C9orf50: variants seen among roughly 807,000 people sequenced by gnomAD.
The protein encoded by C9orf50 is chromosome 9 open reading frame 50, also known as uncharacterized protein C9orf50.
A neutral mutation model predicts 42.5 loss-of-function variants in C9orf50; 33 were observed. The observed-to-expected ratio is 0.78, with a 90% CI of 0.59 to 1.04. The LOEUF is 1.04. Ranked by LOEUF, C9orf50 falls within the 50% of genes least tolerant of loss-of-function variation. C9orf50 has a pLI of 0.00. For missense variants in C9orf50, 547 were observed against 594.3 expected (o/e 0.92, Z 0.83); for synonymous variants, 257 against 273.4 (o/e 0.94, Z 0.59).
At chr9:129,619,196 C>T (rs955892793) in intron 3 of C9orf50, among the ~76,000 whole-genome samples, 1 of 151,988 alleles carries the variant, frequency 6.6e-6, no homozygotes, top group Non-Finnish European at 1.5e-5. Context: ...GATTCATGAA[C>T]GGGTTGTAGA....
At position 129,620,134 on chromosome 9, in the gene C9orf50, G is replaced by A. The variant is rs1042805379; in HGVS notation, c.441C>T (p.Leu147=). 7 of 1,458,802 alleles carry A rather than the reference G, an allele frequency of 4.8e-6. No homozygotes were observed. Among genetic ancestry groups the A allele is most frequent in the East Asian group, 2.5e-5 (1 of 39,990 alleles). 90.4% of individuals were successfully genotyped at this position (1,458,802 alleles called of 1,614,324 possible). Reference sequence around the variant, plus strand: ...GCAGGAACTCACGGAACCTGCTGGGGAGGAGCTCTCCTAGGAAGGCGCCCA... The same window carrying A: ...GCAGGAACTCACGGAACCTGCTGGGAAGGAGCTCTCCTAGGAAGGCGCCCA... Residue 147 remains leucine (L), a synonymous_variant, in exon 1 of 7, where the codon CTC becomes CTT. Transcript: ENST00000372478. The surrounding 1 kb of genome is among the most constrained non-coding windows in gnomAD (Gnocchi z 5.8).
upstream of C9orf50, among the ~76,000 whole-genome samples, chr9:129,621,788 T>C (rs112619032): frequency 2.0e-5 from 3 of 152,260 alleles, no homozygotes; most frequent in African/African-American, 7.2e-5. Context: ...TCCCAGATTG[T>C]TGTCAGCTCT....
At chr9:129,612,847 AGAGGG>A (rs771773282) in intron 6 of C9orf50, among the ~76,000 whole-genome samples, 42 of 151,988 alleles carry the variant, frequency 2.8e-4, no homozygotes, top group Non-Finnish European at 1.0e-4. Context: ...CAAAGAGAGG[AGAGGG>A]GAGGGGAGGG....
At position 129,613,149 on chromosome 9, in the gene C9orf50, G is replaced by A; in HGVS notation, c.1146C>T (p.Ser382=). 1.2e-6 allele frequency: 2 copies of A among 1,613,904 alleles called. No homozygotes were observed. ...GCGGGTCCAAGAAGGCTCGGAGGCT[G>A]CTTCGCGGCCTCTGAGCAGCGGCCT... The change falls in exon 6 of 7, where the codon AGC becomes AGT. Residue 382 remains serine (S), a synonymous_variant. Transcript: ENST00000372478. The surrounding 1 kb of genome is among the most constrained non-coding windows in gnomAD (Gnocchi z 6.2).
upstream of C9orf50, among the ~76,000 whole-genome samples, chr9:129,621,420 C>T (rs1830705503): frequency 1.3e-5 from 2 of 152,180 alleles, no homozygotes; most frequent in Admixed American, 6.5e-5. Context: ...GCAATGGCAC[C>T]ATCATAGCTC....
Position 129,619,642 on chromosome 9 carries a change from A to C in C9orf50, c.600-6T>G. ...GGAGGTGCGATGACTGGCCCCTTAA[A>C]GACAAACAGGCCACATCTGGCATGA... On this transcript the variant is annotated splice_polypyrimidine_tract_variant and splice_region_variant and intron_variant, in intron 2 of 6. Transcript: ENST00000372478. 1 of 1,613,928 alleles carries C rather than the reference A, an allele frequency of 6.2e-7. No individual in the cohort carries two copies. The highest frequency in any genetic ancestry group is 8.5e-7 in the Non-Finnish European group (1 of 1,179,864).
chr9:129,612,240 TA>T, exon 7 of C9orf50: 1 of 883,174 alleles, frequency 1.1e-6, no homozygotes, highest in Non-Finnish European at 1.8e-6. Flanking sequence ...GTGTGACACC[TA>T]CTGGCAGGTC....
chr9:129,615,760 A>G, intron 3 of C9orf50, 113 bp from the exon 4 acceptor site: 1 of 1,170,668 alleles, frequency 8.5e-7, no homozygotes, highest in Non-Finnish European at 1.1e-6. Flanking sequence ...ACTGGTCTTG[A>G]AGAATGGATA....
rs890125721 is a variant in C9orf50 at position 129,620,450 on chromosome 9, G to C, written c.125C>G (p.Ala42Gly). The change falls in exon 1 of 7, where the codon GCG becomes GGG. Residue 42 changes from alanine to glycine, a missense_variant. Physicochemically the swap from Ala to Gly is moderately conservative, Grantham distance 60. Around this residue, in one of 3 missense-constraint regions of C9orf50, gnomAD observed 105 missense variants for 98.5 expected, o/e 1.07. Coordinates refer to ENST00000372478, the Ensembl canonical transcript of C9orf50. This position sits in a 1 kb window ranked among gnomAD's most constrained non-coding sequence, Gnocchi z 5.8. ...CCCGGAGCCCCGCGCGCCCAGAGCC[G>C]CTCGGAGCGCGGGCGGGGTCAGCTT... The C allele has an allele frequency of 1.5e-6, 2 of 1,315,662 alleles. No homozygotes were observed. Among genetic ancestry groups the C allele is most frequent in the South Asian group, 2.0e-5 (1 of 50,054 alleles). 81.5% of individuals were successfully genotyped at this position (1,315,662 alleles called of 1,614,324 possible). A position where few individuals can be genotyped will look rare whatever the true frequency, so the allele number is the denominator to read the frequency against.
At chr9:129,620,991 A>G (rs1830680769), upstream of C9orf50, among the ~76,000 whole-genome samples, 1 of 152,236 alleles carries the variant, frequency 6.6e-6, no homozygotes, top group African/African-American at 2.4e-5. The surrounding 1 kb of genome is among the most constrained non-coding windows in gnomAD (Gnocchi z 5.8). Flanking sequence ...GGCCAAGCCA[A>G]TTAACTTCCC....
At chr9:129,621,621 G>A (rs1314480447), upstream of C9orf50, among the ~76,000 whole-genome samples, 4 of 152,170 alleles carry the variant, frequency 2.6e-5, no homozygotes, top group African/African-American at 7.2e-5. Context: ...ACTTGCCTTG[G>A]CCTCCCAAAG....
Position 129,613,120 on chromosome 9 carries a change from C to G in C9orf50, c.1175G>C (p.Arg392Thr), listed in dbSNP as rs141155401. 12 of 1,613,802 alleles carry G rather than the reference C, an allele frequency of 7.4e-6. No homozygotes were observed. In the African/African-American group the frequency reaches 1.3e-4, roughly 18 times the overall value. Residue 392 changes from arginine (R) to threonine (T), a missense_variant, in exon 6 of 7, where the codon AGA becomes ACA. Physicochemically the swap from Arg to Thr is moderately conservative, Grantham distance 71. Transcript: ENST00000372478. This position sits in a 1 kb window ranked among gnomAD's most constrained non-coding sequence, Gnocchi z 6.2. ...CCATTTGCCCACCTGCTCCAGGTTT[C>G]TGTGCGGGTCCAAGAAGGCTCGGAG... is the stretch of plus-strand genomic sequence containing the variant.
chr9:129,620,393 C>T lies in C9orf50; in HGVS notation c.182G>A (p.Trp61Ter). The T allele has an allele frequency of 8.1e-7, 1 of 1,229,916 alleles. No individual in the cohort carries two copies. Among genetic ancestry groups the T allele is most frequent in the Non-Finnish European group, 1.0e-6 (1 of 987,330 alleles). The allele number at this position is 1,229,916 out of a possible 1,614,324, so 76.2% of individuals were successfully genotyped here. The change falls in exon 1 of 7, where the codon TGG becomes TAG. Residue 61 changes from tryptophan (W) to a stop codon, truncating the protein, a stop_gained. Transcript: ENST00000372478. LOFTEE classifies it high-confidence loss of function. The surrounding 1 kb of genome is among the most constrained non-coding windows in gnomAD (Gnocchi z 5.8). ...GGGCTTGGCGTCCCCTTCCGGCCAC[C>T]ACGCGGCGCCGCCCCCCGGGATCCT...
At position 129,620,433 on chromosome 9, in the gene C9orf50, C is replaced by T; in HGVS notation, c.142G>A (p.Gly48Ser). Residue 48 changes from glycine to serine, a missense_variant, in exon 1 of 7, where the codon GGC becomes AGC. This residue lies in a region of C9orf50 where 105 missense variants were observed against 98.5 expected (regional missense o/e 1.07). Coordinates refer to ENST00000372478, the Ensembl canonical transcript of C9orf50. This position sits in a 1 kb window ranked among gnomAD's most constrained non-coding sequence, Gnocchi z 5.8. ...CCCGGGATCCTCCAGTCCCCGGAGC[C>T]CCGCGCGCCCAGAGCCGCTCGGAGC... is the stretch of plus-strand genomic sequence containing the variant. The T allele has an allele frequency of 1.6e-6, 2 of 1,267,598 alleles. No individual in the cohort carries two copies. Among genetic ancestry groups the T allele is most frequent in the Non-Finnish European group, 2.0e-6 (2 of 1,006,534 alleles). The allele number at this position is 1,267,598 out of a possible 1,614,324, so 78.5% of individuals were successfully genotyped here.
In C9orf50 at chr9:129,619,636, C is replaced by T. The variant is rs376323014; in HGVS notation, c.600G>A (p.Trp200Ter). 2.5e-6 allele frequency: 4 copies of T among 1,613,836 alleles called. No homozygotes were observed. The highest frequency in any genetic ancestry group is 3.4e-6 in the Non-Finnish European group (4 of 1,179,956). The change falls in exon 3 of 7, where the codon TGG becomes TGA. Residue 200 changes from tryptophan to a stop codon, truncating the protein, a stop_gained and splice_region_variant. Coordinates refer to ENST00000372478, the Ensembl canonical transcript of C9orf50. LOFTEE classifies it high-confidence loss of function. Reference sequence around the variant, plus strand: ...TATCCTGGAGGTGCGATGACTGGCCCCTTAAAGACAAACAGGCCACATCTG... The same window carrying T: ...TATCCTGGAGGTGCGATGACTGGCCTCTTAAAGACAAACAGGCCACATCTG...
rs753090231 is a variant in C9orf50 at position 129,619,769 on chromosome 9, A to T, written c.570T>A (p.Cys190Ter). 1.9e-6 allele frequency: 3 copies of T among 1,613,824 alleles called. No homozygotes were observed. In the East Asian group the frequency reaches 6.7e-5, roughly 36 times the overall value. Reference sequence around the variant, plus strand: ...GGTCTGGGAGGAATGAACAGTTGGGACACCGCGGAGACCCTGGGCAGTGCT... The same window carrying T: ...GGTCTGGGAGGAATGAACAGTTGGGTCACCGCGGAGACCCTGGGCAGTGCT... The change falls in exon 2 of 7, where the codon TGT becomes TGA. Residue 190 changes from cysteine to a stop codon, truncating the protein, a stop_gained. Transcript: ENST00000372478. LOFTEE classifies it high-confidence loss of function.
chr9:129,615,556 G>A (rs538755244), exon 4 of C9orf50: 1 of 1,610,390 alleles, frequency 6.2e-7, no homozygotes, highest in African/African-American at 1.3e-5. Context: ...ACCCGGAAAG[G>A]GCAACGCTGC....
At position 129,613,052 on chromosome 9, in the gene C9orf50, G is replaced by A; in HGVS notation, c.1188+55C>T. On this transcript the variant is annotated intron_variant, in intron 6 of 6. Coordinates refer to ENST00000372478, the Ensembl canonical transcript of C9orf50. The surrounding 1 kb of genome is among the most constrained non-coding windows in gnomAD (Gnocchi z 6.2). ...CCAAACAGGGCTGCTCCCGGAGCCA[G>A]CTGCCAGCAGGGGCTCACCAGCTTC... The A allele has an allele frequency of 6.2e-7, 1 of 1,606,808 alleles. No homozygotes were observed. Among genetic ancestry groups the A allele is most frequent in the Non-Finnish European group, 8.5e-7 (1 of 1,178,208 alleles).
At position 129,613,541 on chromosome 9, in the gene C9orf50, C is replaced by G. The variant is rs1177599240; in HGVS notation, c.937G>C (p.Val313Leu). 3 of 1,614,204 alleles carry G rather than the reference C, an allele frequency of 1.9e-6. No individual in the cohort carries two copies. The South Asian group carries it at 3.3e-5, about 18-fold the overall frequency. ...AGCCGTTTTCCGACACTCCCAAACA[C>G]CCGCTCGGACGCCACTGGCAGGGCG... Residue 313 changes from valine to leucine, a missense_variant, in exon 5 of 7, where the codon GTG (valine) becomes CTG (leucine). Coordinates refer to ENST00000372478, the Ensembl canonical transcript of C9orf50. This position sits in a 1 kb window ranked among gnomAD's most constrained non-coding sequence, Gnocchi z 6.2.
Sources: allele counts gnomAD v4.1 joint callset (sites outside exome capture counted in the v4.1 genomes callset), GRCh38; gene constraint gnomAD v4.1.1; regional missense constraint gnomAD v4.1.1; non-coding constraint Gnocchi (gnomAD v3.1); transcripts MANE v1.5; gene names NCBI Gene and HGNC (gene_info 2026-07-23, HGNC 2026-07-21).